The following UHRF1 variants were observed in gnomAD, a reference collection of about 807,000 sequenced individuals.
UHRF1 encodes the protein E3 ubiquitin-protein ligase UHRF1.
UHRF1 carries 9 observed loss-of-function variants against 96.5 expected under a neutral mutation model. The ratio of observed to expected loss-of-function variants is 0.09; its 90% CI spans 0.06 to 0.16. The LOEUF is 0.16. Among genes scored for constraint, UHRF1 ranks in the 10% least tolerant of loss-of-function variants. The probability of loss-of-function intolerance (pLI) is 1.00; values close to 1 mark genes in which losing one functional copy is unlikely to be tolerated. For synonymous variants in UHRF1, 455 were observed against 469.9 expected, an observed-to-expected ratio of 0.97 and a Z score of 0.41; for missense variants, 626 against 1,131.1, an observed-to-expected ratio of 0.55 and a Z score of 6.40.
chr19:4,956,672 C>T (rs372950427), intron 15 of UHRF1, 37 bp from the exon 16 acceptor site: 226 of 1,375,778 alleles, frequency 1.6e-4, no homozygotes, highest in African/African-American at 1.9e-4. Context: ...GCCCTGGTCC[C>T]GGTGTCTTTG....
chr19:4,929,524 C>A, intron 3 of UHRF1, 48 bp downstream of exon 3: 2 of 1,578,104 alleles, frequency 1.3e-6, no homozygotes, highest in South Asian at 1.2e-5. Context: ...TTCTCCCTGC[C>A]ATTCTGGTCT....
At position 4,917,445 on chromosome 19, in the gene UHRF1, A is replaced by G. The variant is rs1183775196; in HGVS notation, c.153+6407A>G. On this transcript the variant is annotated intron_variant, in intron 2 of 16. Coordinates refer to ENST00000650932, the MANE Select transcript of UHRF1 (RefSeq NM_001048201.3). ...CTGAGGCAGGCGGATCACGAGGTCAAGAGATCGAGACCATGCTGGCCAACA... is the reference window on the plus strand; with the variant it reads ...CTGAGGCAGGCGGATCACGAGGTCAGGAGATCGAGACCATGCTGGCCAACA... Among the ~76,000 whole-genome samples the G allele has an allele frequency of 4.0e-5, 6 of 151,736 alleles. No individual in the cohort carries two copies. The East Asian group carries it at 1.2e-3, about 30-fold the overall frequency.
chr19:4,937,313 T>TTA (rs1555750756), intron 5 of UHRF1, among the ~76,000 whole-genome samples: 2 of 150,790 alleles, frequency 1.3e-5, no homozygotes, highest in South Asian at 2.1e-4. Flanking sequence ...TTTTTTTTTT[T>TTA]AACGACCCAT....
intron 2 of UHRF1, among the ~76,000 whole-genome samples, chr19:4,926,768 GAA>G (rs371038776): frequency 9.4e-5 from 13 of 137,592 alleles, no homozygotes; most frequent in African/African-American, 2.6e-4. Context: ...CTTTCTAAAG[GAA>G]AAAAAAAAAA....
At chr19:4,922,564 GA>G (rs1279570806) in intron 2 of UHRF1, among the ~76,000 whole-genome samples, 1 of 152,244 alleles carries the variant, frequency 6.6e-6, no homozygotes, top group Admixed American at 6.5e-5. Flanking sequence ...CACCGTGCCT[GA>G]CCCTTTACAA....
intron 6 of UHRF1, 41 bp downstream of exon 6, chr19:4,941,669 C>A: frequency 6.3e-7 from 1 of 1,589,260 alleles, no homozygotes. Context: ...CCGCGGTGGG[C>A]ACGGGGCGGG....
In UHRF1 at chr19:4,914,112, C is replaced by G. The variant is rs72986135; in HGVS notation, c.153+3074C>G. 2.0e-5 allele frequency among the ~76,000 whole-genome samples: 3 copies of G among 152,220 alleles called. No individual in the cohort carries two copies. The South Asian group carries it at 6.2e-4, about 32-fold the overall frequency. ...AAGTGCTGGGATTAGAGGTGTGAAC[C>G]GTCGCATCCGGCCCCCATGCAGTAG... On this transcript the variant is annotated intron_variant, in intron 2 of 16. Coordinates refer to ENST00000650932, the MANE Select transcript of UHRF1 (RefSeq NM_001048201.3).
rs909649648 is a variant in UHRF1, at chr19:4,909,521, G to A, written c.-145G>A. On this transcript the variant is annotated 5_prime_UTR_variant, in exon 1 of 17. Coordinates refer to ENST00000650932, the MANE Select transcript of UHRF1 (RefSeq NM_001048201.3). ...AAATCAGAGCAGCTGGCAGCGCGGC[G>A]GGCAGCGTTTGCCGAGCGGGCGCTC... 7.6e-6 allele frequency: 5 copies of A among 658,164 alleles called. No individual in the cohort carries two copies. The highest frequency in any genetic ancestry group is 1.9e-5 in the African/African-American group (1 of 52,558). 40.8% of individuals were successfully genotyped at this position (658,164 alleles called of 1,614,324 possible). A position where few individuals can be genotyped will look rare whatever the true frequency, so the allele number is the denominator to read the frequency against.
Position 4,950,676 on chromosome 19 carries a change from G to C in UHRF1, c.1583G>C (p.Arg528Pro). Residue 528 changes from arginine to proline, a missense_variant, in exon 12 of 17, where the codon CGG becomes CCG. Arg to Pro is a moderately radical substitution (Grantham distance 103, BLOSUM62 -2). Transcript: ENST00000650932. ...DQEGAEAKDWRSGKPVRVVRN... is the reference protein window; with the variant it reads ...DQEGAEAKDWPSGKPVRVVRN... ...GAAGGGGCCGAGGCCAAGGACTGGC[G>C]GTCGGGGAAGCCGGTCAGGGTGGTG... 6.2e-7 allele frequency: 1 copy of C among 1,610,556 alleles called. No homozygotes were observed. The highest frequency in any genetic ancestry group is 8.5e-7 in the Non-Finnish European group (1 of 1,178,592).
intron 9 of UHRF1, among the ~76,000 whole-genome samples, chr19:4,944,985 A>C (rs889614342): frequency 6.6e-6 from 1 of 152,202 alleles, no homozygotes; most frequent in East Asian, 1.9e-4. Flanking sequence ...GTCTGCAGAC[A>C]TGAGTGTCCC....
rs367905564 is a variant in UHRF1 at position 4,934,841 on chromosome 19, TCTGGGC to T, written c.785+1888_785+1893del. On this transcript the variant is annotated intron_variant, in intron 5 of 16. Coordinates refer to ENST00000650932, the MANE Select transcript of UHRF1 (RefSeq NM_001048201.3). ...GGGCTGTGGGAGCCTCCTCACTGAG[TCTGGGC>T]CTTAAGCGCGTGGCTCGGGTGTGGT... is the stretch of plus-strand genomic sequence containing the variant. 3.0e-3 allele frequency among the ~76,000 whole-genome samples: 461 copies of T among 152,128 alleles called. 3 individuals carry two copies. Among genetic ancestry groups the T allele is most frequent in the Non-Finnish European group, 3.5e-3 (237 of 67,986 alleles).
intron 2 of UHRF1, among the ~76,000 whole-genome samples, chr19:4,923,406 C>T (rs551770136): frequency 2.0e-5 from 3 of 151,678 alleles, no homozygotes; most frequent in South Asian, 2.1e-4. Context: ...ACCTGTCCTC[C>T]GTCTTGGGTG....
intron 5 of UHRF1, among the ~76,000 whole-genome samples, chr19:4,935,698 G>A (rs985250640): frequency 6.6e-6 from 1 of 152,086 alleles, no homozygotes; most frequent in Non-Finnish European, 1.5e-5. Context: ...ATAGAGCATC[G>A]TGTGATGTGT....
At chr19:4,945,199 C>T (rs1417253845) in intron 9 of UHRF1, among the ~76,000 whole-genome samples, 1 of 152,226 alleles carries the variant, frequency 6.6e-6, no homozygotes, top group Non-Finnish European at 1.5e-5. Flanking sequence ...CAGGCTGCAC[C>T]TCAACCGGCC....
chr19:4,949,094 C>A (rs2033649621), intron 11 of UHRF1, among the ~76,000 whole-genome samples: 1 of 150,386 alleles, frequency 6.6e-6, no homozygotes. Flanking sequence ...AAGATTGCTC[C>A]ACTGCACTCC....
In UHRF1 at chr19:4,929,386, G is replaced by A. The variant is rs1223658558; in HGVS notation, c.318G>A (p.Lys106=). Reference sequence around the variant, plus strand: ...GCCTGGGCCAGAGTGAGTCAGACAAGTCCTCCACCCACGGTGAGGCGGCCG... The same window carrying A: ...GCCTGGGCCAGAGTGAGTCAGACAAATCCTCCACCCACGGTGAGGCGGCCG... ...GCCLGQSESD[K]SSTHGEAAAE... Residue 106 remains lysine, a synonymous_variant, in exon 3 of 17, where the codon AAG becomes AAA. Transcript: ENST00000650932. 3.1e-6 allele frequency: 5 copies of A among 1,613,804 alleles called. No homozygotes were observed. Among genetic ancestry groups the A allele is most frequent in the East Asian group, 2.2e-5 (1 of 44,888 alleles).
At chr19:4,905,587 G>A (rs1001712685), upstream of UHRF1, among the ~76,000 whole-genome samples, 23 of 151,346 alleles carry the variant, frequency 1.5e-4, no homozygotes, top group African/African-American at 5.3e-4. Context: ...GTGCAATCTC[G>A]GCTCACTGTA....
intron 5 of UHRF1, among the ~76,000 whole-genome samples, chr19:4,937,293 C>CTTTTTT (rs11411657): frequency 2.4e-5 from 3 of 125,410 alleles, no homozygotes; most frequent in African/African-American, 9.2e-5. Context: ...AGATGGGCCA[C>CTTTTTT]TTTTTTTTTT....
At chr19:4,951,696 CAAAAA>C (rs771845391) in intron 13 of UHRF1, among the ~76,000 whole-genome samples, 1 of 83,356 alleles carries the variant, frequency 1.2e-5, no homozygotes, top group Non-Finnish European at 2.4e-5. Flanking sequence ...TGGCTCATCA[CAAAAA>C]AAAAAAAAAA....
Sources: allele counts gnomAD v4.1 joint callset (sites outside exome capture counted in the v4.1 genomes callset), GRCh38; gene constraint gnomAD v4.1.1; transcripts MANE v1.5; gene names NCBI Gene and HGNC (gene_info 2026-07-23, HGNC 2026-07-21).